Variants in RALGPS1 observed in about 807,000 individuals in gnomAD.
The protein encoded by RALGPS1 is ras-specific guanine nucleotide-releasing factor RalGPS1.
A neutral mutation model predicts 78.8 loss-of-function variants in RALGPS1; 19 were observed. The ratio of observed to expected loss-of-function variants is 0.24; its 90% CI spans 0.17 to 0.35. The LOEUF (loss-of-function observed/expected upper bound fraction) is 0.35. RALGPS1 is among the 10% of genes least tolerant of loss of function. RALGPS1 has a pLI of 1.00. For missense variants in RALGPS1, 454 were observed against 688.3 expected, an observed-to-expected ratio of 0.66 and a Z score of 3.81; for synonymous variants, 228 against 256.3, an observed-to-expected ratio of 0.89 and a Z score of 1.06.
chr9:126,977,638 C>A, intron 3 of RALGPS1, 57 bp from the exon 4 acceptor site: 1 of 1,238,762 alleles, frequency 8.1e-7, no homozygotes, highest in Non-Finnish European at 1.2e-6. Context: ...TATAAAGTAA[C>A]ATGACAGTTA....
chr9:127,068,523 G>C (rs1289577869), intron 7 of RALGPS1, among the ~76,000 whole-genome samples: 2 of 152,190 alleles, frequency 1.3e-5, no homozygotes, highest in African/African-American at 4.8e-5. Flanking sequence ...CAGTGGGCCA[G>C]GTCGCTTTGG....
intron 8 of RALGPS1, among the ~76,000 whole-genome samples, chr9:127,112,061 T>C (rs184943052): frequency 0.01 from 1,561 of 152,306 alleles, 10 homozygotes; most frequent in Middle Eastern, 0.024. Context: ...AGTGAGCAGT[T>C]ACAAAAGAGA....
chr9:126,978,788 G>C (rs1294541733), intron 4 of RALGPS1, among the ~76,000 whole-genome samples: 1 of 152,126 alleles, frequency 6.6e-6, no homozygotes, highest in African/African-American at 2.4e-5. Flanking sequence ...GATTTGACCT[G>C]ATTTGGCCTT....
At chr9:127,082,627 TCAGA>T (rs1172737622) in intron 8 of RALGPS1, among the ~76,000 whole-genome samples, 1 of 152,170 alleles carries the variant, frequency 6.6e-6, no homozygotes, top group Non-Finnish European at 1.5e-5. Context: ...AGCTCAGGAA[TCAGA>T]CTGACTCGAG....
intron 1 of RALGPS1, among the ~76,000 whole-genome samples, chr9:126,953,786 T>G (rs1372336618): frequency 1.3e-5 from 2 of 151,770 alleles, no homozygotes; most frequent in Non-Finnish European, 2.9e-5. Context: ...AATGAGGGAG[T>G]GAACAGAAGG....
chr9:127,193,449 G>A (rs994148998), intron 11 of RALGPS1, among the ~76,000 whole-genome samples: 1 of 152,136 alleles, frequency 6.6e-6, no homozygotes, highest in African/African-American at 2.4e-5. Flanking sequence ...GTGCAGAGTG[G>A]GGTTGGGAAG....
At chr9:126,986,269 C>CTT (rs2041791876) in intron 4 of RALGPS1, among the ~76,000 whole-genome samples, 1 of 152,172 alleles carries the variant, frequency 6.6e-6, no homozygotes, top group Non-Finnish European at 1.5e-5. Flanking sequence ...CCTGGTGACT[C>CTT]TAACGAGTGA....
intron 14 of RALGPS1, among the ~76,000 whole-genome samples, chr9:127,208,214 C>G (rs565459698): frequency 5.8e-4 from 88 of 152,372 alleles, no homozygotes; most frequent in African/African-American, 2.0e-3. Flanking sequence ...TGGCCCTATT[C>G]TGGGAGATCC....
chr9:126,986,762 G>A (rs186947014), intron 4 of RALGPS1, among the ~76,000 whole-genome samples: 1 of 152,304 alleles, frequency 6.6e-6, no homozygotes, highest in East Asian at 1.9e-4. Flanking sequence ...TGAGCTGCTG[G>A]GTCTGTTAAA....
At chr9:126,977,341 A>C (rs184407489) in intron 3 of RALGPS1, among the ~76,000 whole-genome samples, 81 of 152,372 alleles carry the variant, frequency 5.3e-4, no homozygotes, top group Admixed American at 4.8e-3. Context: ...ACAACTTTAA[A>C]AAATTACAAA....
chr9:127,195,048 C>T (rs749762571), intron 11 of RALGPS1, 43 bp from the exon 12 acceptor site: 7 of 1,605,746 alleles, frequency 4.4e-6, no homozygotes, highest in Admixed American at 1.7e-5. Flanking sequence ...CCCTCACCCT[C>T]CCATCATAAC....
chr9:127,127,093 G>C (rs571956119), intron 8 of RALGPS1, among the ~76,000 whole-genome samples: 3 of 152,272 alleles, frequency 2.0e-5, no homozygotes, highest in South Asian at 2.1e-4. Flanking sequence ...AAGGGAATTG[G>C]TGTAGTAATT....
intron 5 of RALGPS1, among the ~76,000 whole-genome samples, chr9:127,046,981 G>A (rs1490846398): frequency 6.0e-5 from 8 of 132,958 alleles, no homozygotes; most frequent in African/African-American, 1.1e-4. Context: ...TTTTTCCATC[G>A]AATTAGTTAA....
rs74979761 is a variant in RALGPS1, at chr9:127,175,701, T to A, written c.910+919T>A. ...CCTTTTTTTTTTTTTTTTTTTTTTT[T>A]ATCCTATAAAATGGGATGATGAAAC... is the stretch of plus-strand genomic sequence containing the variant. On this transcript the variant is annotated intron_variant, in intron 11 of 18. Transcript: ENST00000259351. Among the ~76,000 whole-genome samples the A allele has an allele frequency of 7.1e-3, 791 of 111,824 alleles. 52 individuals carry two copies. In the East Asian group the frequency reaches 0.15, roughly 21 times the overall value. 73.4% of individuals were successfully genotyped at this position (111,824 alleles called of 152,430 possible).
At chr9:127,109,572 G>A (rs992347058) in intron 8 of RALGPS1, among the ~76,000 whole-genome samples, 23 of 152,200 alleles carry the variant, frequency 1.5e-4, no homozygotes, top group Admixed American at 1.4e-3. Flanking sequence ...CCACTGCAAC[G>A]TGATTAAGTT....
Position 127,121,237 on chromosome 9 carries a change from G to T in RALGPS1, c.611-44832G>T, listed in dbSNP as rs1243271106. ...TACTCTCTGGCCATTGTTACCACCT[G>T]GGCAGTATTATCCCATTTCACAGAT... On this transcript the variant is annotated intron_variant, in intron 8 of 18. Transcript: ENST00000259351. 5.3e-5 allele frequency among the ~76,000 whole-genome samples: 8 copies of T among 152,322 alleles called. No individual in the cohort carries two copies. The South Asian group carries it at 1.2e-3, about 24-fold the overall frequency.
chr9:127,206,806 G>A (rs531276590), intron 14 of RALGPS1, among the ~76,000 whole-genome samples: 1 of 152,216 alleles, frequency 6.6e-6, no homozygotes, highest in South Asian at 2.1e-4. Context: ...TGTGTACCTA[G>A]AAAATGATGG....
At chr9:127,062,562 G>A (rs2049317812) in intron 7 of RALGPS1, among the ~76,000 whole-genome samples, 1 of 152,152 alleles carries the variant, frequency 6.6e-6, no homozygotes, top group African/African-American at 2.4e-5. Flanking sequence ...GGTAAGGAAG[G>A]CTAAAATCAC....
At position 127,212,912 on chromosome 9, in the gene RALGPS1, C is replaced by A. The variant is rs749806362; in HGVS notation, c.1447-32C>A. 1.9e-6 allele frequency: 3 copies of A among 1,613,632 alleles called. No homozygotes were observed. The highest frequency in any genetic ancestry group is 8.5e-7 in the Non-Finnish European group (1 of 1,179,764). On this transcript the variant is annotated intron_variant, in intron 16 of 18. Transcript: ENST00000259351. The surrounding 1 kb of genome is among the most constrained non-coding windows in gnomAD (Gnocchi z 6.0). ...CCTTGTGGAGTGGAGGGCTGGGCCC[C>A]GGTCTCCGGATGTGTTGTTGCTCTC...
Sources: allele counts gnomAD v4.1 joint callset (sites outside exome capture counted in the v4.1 genomes callset), GRCh38; gene constraint gnomAD v4.1.1; non-coding constraint Gnocchi (gnomAD v3.1); transcripts MANE v1.5; gene names NCBI Gene and HGNC (gene_info 2026-07-23, HGNC 2026-07-21).